The following ARFIP1 variants were observed in gnomAD, a reference collection of about 807,000 sequenced individuals.
ARFIP1 encodes the protein ARF interacting protein 1.
ARFIP1 carries 24 observed loss-of-function variants against 42.5 expected under a neutral mutation model. The observed-to-expected ratio is 0.57, with a 90% CI of 0.41 to 0.80. The LOEUF is 0.80. ARFIP1 is among the 30% of genes least tolerant of loss of function. The pLI is 0.00. For missense variants in ARFIP1, 354 were observed against 434.0 expected (o/e 0.82, Z 1.64); for synonymous variants, 141 against 153.7 (o/e 0.92, Z 0.61).
chr4:152,821,983 A>G (rs1321480749), intron 1 of ARFIP1, among the ~76,000 whole-genome samples: 1 of 152,220 alleles, frequency 6.6e-6, no homozygotes, highest in African/African-American at 2.4e-5. Flanking sequence ...ATCTTGAAAC[A>G]AAAGGTTGAT....
intron 2 of ARFIP1, among the ~76,000 whole-genome samples, chr4:152,840,569 T>A (rs1161465937): frequency 6.6e-6 from 1 of 152,232 alleles, no homozygotes; most frequent in Admixed American, 6.5e-5. Context: ...AGAATAGCTA[T>A]CCCTGCTCGC....
At chr4:152,889,942 A>C (rs1279800505) in intron 8 of ARFIP1, among the ~76,000 whole-genome samples, 3 of 142,124 alleles carry the variant, frequency 2.1e-5, no homozygotes, top group Non-Finnish European at 4.5e-5. Context: ...TACATACACT[A>C]TATATTTTAG....
intron 1 of ARFIP1, among the ~76,000 whole-genome samples, chr4:152,808,005 A>C (rs1216496911): frequency 6.6e-6 from 1 of 151,612 alleles, no homozygotes; most frequent in Non-Finnish European, 1.5e-5. Flanking sequence ...TTTAAGACAG[A>C]GTTTCGCTGT....
chr4:152,904,768 G>A (rs1166454244), intron 8 of ARFIP1, among the ~76,000 whole-genome samples: 1 of 152,056 alleles, frequency 6.6e-6, no homozygotes, highest in East Asian at 1.9e-4. Flanking sequence ...TGGTGTATAT[G>A]TACATTTTCT....
chr4:152,911,280 G>A lies in ARFIP1; in HGVS notation c.*1061G>A, dbSNP rs1190648569. The A allele has an allele frequency of 6.6e-6, 1 of 152,616 alleles. No individual in the cohort carries two copies. Among genetic ancestry groups the A allele is most frequent in the Non-Finnish European group, 1.5e-5 (1 of 68,020 alleles). 9.5% of individuals were successfully genotyped at this position (152,616 alleles called of 1,614,324 possible). A position where few individuals can be genotyped will look rare whatever the true frequency, so the allele number is the denominator to read the frequency against. ...TCTTTGTACTTGTTAAGCCACATTT[G>A]AGGTTTATGGTAAAAATCATCTTTT... On this transcript the variant is annotated 3_prime_UTR_variant, in exon 9 of 9. Transcript: ENST00000353617.
intron 1 of ARFIP1, among the ~76,000 whole-genome samples, chr4:152,813,187 G>C (rs2149834005): frequency 6.6e-6 from 1 of 152,266 alleles, no homozygotes; most frequent in Non-Finnish European, 1.5e-5. Context: ...AGGTATTACA[G>C]ATAATCTAGT....
At chr4:152,823,104 A>G (rs1730524097) in intron 1 of ARFIP1, among the ~76,000 whole-genome samples, 1 of 152,230 alleles carries the variant, frequency 6.6e-6, no homozygotes, top group African/African-American at 2.4e-5. Context: ...AGTGAAAAAA[A>G]AGCTGGTTCT....
chr4:152,822,422 C>T (rs1162743154), intron 1 of ARFIP1, among the ~76,000 whole-genome samples: 1 of 151,642 alleles, frequency 6.6e-6, no homozygotes, highest in Non-Finnish European at 1.5e-5. Context: ...AAAGCAATTA[C>T]TGCTAGACCT....
intron 2 of ARFIP1, among the ~76,000 whole-genome samples, chr4:152,855,616 T>C (rs890929809): frequency 2.0e-5 from 3 of 152,232 alleles, no homozygotes; most frequent in South Asian, 2.1e-4. Context: ...GTGAGATCTG[T>C]TGGGAGCAGA....
rs749579096 is a variant in ARFIP1, at chr4:152,870,818, C to T, written c.268C>T (p.Gln90Ter). ...CAGGGTTGCAGCTAGTCGACTGGCT[C>T]AGCAAGGAAGTGATTTAATTGTTCC... ...PSRVAASRLA[Q>*]QGSDLIVPAG... Residue 90 changes from glutamine to a stop codon, truncating the protein, a stop_gained, in exon 4 of 9, where the codon CAG (glutamine) becomes TAG (stop). Transcript: ENST00000353617. LOFTEE classifies it high-confidence loss of function. 1 of 1,613,996 alleles carries T rather than the reference C, an allele frequency of 6.2e-7. No individual in the cohort carries two copies. The highest frequency in any genetic ancestry group is 1.1e-5 in the South Asian group (1 of 91,068).
chr4:152,882,982 G>C, intron 7 of ARFIP1, 102 bp downstream of exon 7: 1 of 1,253,998 alleles, frequency 8.0e-7, no homozygotes, highest in Non-Finnish European at 1.1e-6. Context: ...GCCAATATGG[G>C]CAGGAAAAAA....
intron 1 of ARFIP1, among the ~76,000 whole-genome samples, chr4:152,781,239 T>C (rs955807864): frequency 1.0e-4 from 15 of 145,196 alleles, no homozygotes; most frequent in Middle Eastern, 3.5e-3. Flanking sequence ...TTTTTCTTTT[T>C]TTTTTTTTTT....
At chr4:152,854,972 G>C (rs1362756380) in intron 2 of ARFIP1, among the ~76,000 whole-genome samples, 1 of 152,336 alleles carries the variant, frequency 6.6e-6, no homozygotes, top group African/African-American at 2.4e-5. Flanking sequence ...TGGCGGCAGT[G>C]GGCCAGGCAG....
intron 1 of ARFIP1, among the ~76,000 whole-genome samples, chr4:152,785,014 C>T (rs995157148): frequency 6.6e-6 from 1 of 152,130 alleles, no homozygotes; most frequent in Non-Finnish European, 1.5e-5. Flanking sequence ...AGTTCGCCAA[C>T]TCCAGTTTCT....
intron 1 of ARFIP1, among the ~76,000 whole-genome samples, chr4:152,822,810 G>T (rs1378965237): frequency 6.6e-6 from 1 of 152,156 alleles, no homozygotes; most frequent in African/African-American, 2.4e-5. Context: ...CTTGAATGTT[G>T]TCTGGGTTAA....
intron 1 of ARFIP1, among the ~76,000 whole-genome samples, chr4:152,783,634 T>C (rs1466771463): frequency 2.0e-5 from 3 of 152,244 alleles, no homozygotes; most frequent in South Asian, 4.1e-4. Flanking sequence ...ACTTCTACCA[T>C]GCGTCCATTA....
At chr4:152,899,727 A>G (rs1315888677) in intron 8 of ARFIP1, among the ~76,000 whole-genome samples, 1 of 152,202 alleles carries the variant, frequency 6.6e-6, no homozygotes, top group Non-Finnish European at 1.5e-5. Context: ...TCCATGGAGC[A>G]CGGCCTTCCT....
intron 2 of ARFIP1, among the ~76,000 whole-genome samples, chr4:152,852,208 ATGT>A (rs1292907255): frequency 6.6e-6 from 1 of 152,220 alleles, no homozygotes; most frequent in Non-Finnish European, 1.5e-5. Context: ...TAGGAATTTT[ATGT>A]TGTTAATTAT....
At chr4:152,869,439 T>C (rs1734682971) in intron 3 of ARFIP1, among the ~76,000 whole-genome samples, 1 of 151,846 alleles carries the variant, frequency 6.6e-6, no homozygotes. Flanking sequence ...AGTCAGTGTT[T>C]CTTTCTTTCT....
Sources: allele counts gnomAD v4.1 joint callset (sites outside exome capture counted in the v4.1 genomes callset), GRCh38; gene constraint gnomAD v4.1.1; transcripts MANE v1.5; gene names NCBI Gene and HGNC (gene_info 2026-07-23, HGNC 2026-07-21).